Variants in DYRK3 observed in about 807,000 individuals in gnomAD.
The protein encoded by DYRK3 is dual specificity tyrosine-phosphorylation-regulated kinase 3.
DYRK3 carries 30 observed loss-of-function variants against 40.8 expected under a neutral mutation model. The observed-to-expected ratio is 0.74, with a 90% CI of 0.55 to 1.00. The LOEUF (loss-of-function observed/expected upper bound fraction) is 1.00, where lower values mean the gene tolerates loss of function less well. Among genes scored for constraint, DYRK3 ranks in the 50% least tolerant of loss-of-function variants. The pLI is 0.00. For synonymous variants in DYRK3, 272 were observed against 260.7 expected (o/e 1.04, Z -0.42); for missense variants, 699 against 731.5 (o/e 0.96, Z 0.51).
rs1553420887 is a variant in DYRK3 at position 206,648,838 on chromosome 1, C to T, written c.1640C>T (p.Ala547Val). 6.2e-7 allele frequency: 1 copy of T among 1,614,208 alleles called. No individual in the cohort carries two copies. The highest frequency in any genetic ancestry group is 8.5e-7 in the Non-Finnish European group (1 of 1,180,042). ...AAACGGGTAGTTAATCCTGCAAGTG[C>T]TTTCCAGGGATTGGGTTCTAAGCTG... The part of the protein sequence containing the change: ...SGKRVVNPAS[A>V]FQGLGSKLPP... The change falls in exon 3 of 3, where the codon GCT (alanine) becomes GTT (valine). Residue 547 changes from alanine to valine, a missense_variant. Coordinates refer to ENST00000367109, the MANE Select transcript of DYRK3 (RefSeq NM_003582.4).
intron 2 of DYRK3, among the ~76,000 whole-genome samples, chr1:206,640,841 T>C (rs922334608): frequency 5.3e-5 from 8 of 152,200 alleles, no homozygotes; most frequent in Admixed American, 1.3e-4. Flanking sequence ...TGAGCCACCG[T>C]GCCTGGCCTC....
chr1:206,654,624 G>A lies in DYRK3; in HGVS notation c.*5659G>A, dbSNP rs782271803. Among the ~76,000 whole-genome samples, 1 of 152,136 alleles carries A rather than the reference G, an allele frequency of 6.6e-6. No individual in the cohort carries two copies. Among genetic ancestry groups the A allele is most frequent in the Admixed American group, 6.5e-5 (1 of 15,278 alleles). On this transcript the variant is annotated 3_prime_UTR_variant, in exon 3 of 3. Transcript: ENST00000367109. ...TGGCCTTCAGCCTAATATGATTAGG[G>A]TGTTTTTCTGAGTGTCTGTCAAATT...
chr1:206,651,405 GT>G lies in DYRK3; in HGVS notation c.*2442del, dbSNP rs1185385192. 6.6e-6 allele frequency among the ~76,000 whole-genome samples: 1 copy of G among 152,214 alleles called. No homozygotes were observed. The highest frequency in any genetic ancestry group is 2.4e-5 in the African/African-American group (1 of 41,448). ...AGAAATGGGAACATCTCTTCACTGT[GT>G]TCTTGGATCAGCCTTCTTTCAACTA... On this transcript the variant is annotated 3_prime_UTR_variant, in exon 3 of 3. Coordinates refer to ENST00000367109, the MANE Select transcript of DYRK3 (RefSeq NM_003582.4).
At chr1:206,644,018 CAG>C in intron 2 of DYRK3, among the ~76,000 whole-genome samples, 1 of 141,738 alleles carries the variant, frequency 7.1e-6, no homozygotes, top group South Asian at 2.2e-4. Flanking sequence ...AGGAAGGCAA[CAG>C]GGACCTACAG....
chr1:206,637,545 A>G, intron 1 of DYRK3, 105 bp from the exon 2 acceptor site: 1 of 735,346 alleles, frequency 1.4e-6, no homozygotes, highest in Non-Finnish European at 2.2e-6. Context: ...TAGTGTAGAC[A>G]TTTATTTCTA....
In DYRK3 at chr1:206,653,492, G is replaced by A. The variant is rs1490471871; in HGVS notation, c.*4527G>A. 2.0e-5 allele frequency among the ~76,000 whole-genome samples: 3 copies of A among 152,060 alleles called. No homozygotes were observed. Among genetic ancestry groups the A allele is most frequent in the Admixed American group, 6.6e-5 (1 of 15,258 alleles). On this transcript the variant is annotated 3_prime_UTR_variant, in exon 3 of 3. Coordinates refer to ENST00000367109, the MANE Select transcript of DYRK3 (RefSeq NM_003582.4). ...TCAAATGGGAGTGTGTCTTCATATT[G>A]TTCTGAATTAACAGATTTTGATGCC...
At chr1:206,637,536 A>G (rs1671150155) in intron 1 of DYRK3, 114 bp from the exon 2 acceptor site, 2 of 679,156 alleles carry the variant, frequency 2.9e-6, no homozygotes, top group South Asian at 2.1e-5. Context: ...GCCAAAATGT[A>G]GTGTAGACAT....
In DYRK3 at chr1:206,654,981, C is replaced by T. The variant is rs1228485211; in HGVS notation, c.*6016C>T. Among the ~76,000 whole-genome samples the T allele has an allele frequency of 6.6e-6, 1 of 152,194 alleles. No homozygotes were observed. The highest frequency in any genetic ancestry group is 1.5e-5 in the Non-Finnish European group (1 of 68,036). ...GTGGTGACCTGTGGCTATTTCAGCT[C>T]AGAATGTCAGCCTCTGAAGCATCAG... On this transcript the variant is annotated 3_prime_UTR_variant, in exon 3 of 3. Coordinates refer to ENST00000367109, the MANE Select transcript of DYRK3 (RefSeq NM_003582.4).
Position 206,654,143 on chromosome 1 carries a change from ACT to A in DYRK3, c.*5181_*5182del, listed in dbSNP as rs1173013085. Among the ~76,000 whole-genome samples, 6 of 152,094 alleles carry A rather than the reference ACT, an allele frequency of 3.9e-5. No homozygotes were observed. Among genetic ancestry groups the A allele is most frequent in the Non-Finnish European group, 8.8e-5 (6 of 67,986 alleles). On this transcript the variant is annotated 3_prime_UTR_variant, in exon 3 of 3. Transcript: ENST00000367109. ...CTACTACTTTGGTGAATCATGGAAA[ACT>A]CTTTCTCCTTTATTTTTAATTATTT...
In DYRK3 at chr1:206,650,523, C is replaced by G. The variant is rs1306588776; in HGVS notation, c.*1558C>G. 6.6e-6 allele frequency among the ~76,000 whole-genome samples: 1 copy of G among 152,224 alleles called. No homozygotes were observed. Among genetic ancestry groups the G allele is most frequent in the Non-Finnish European group, 1.5e-5 (1 of 68,034 alleles). ...TGCCACTGCACTCCAGCCTAGGCAACAGAGTGAGACTCTGTCTAAAAAACA... is the reference window on the plus strand; with the variant it reads ...TGCCACTGCACTCCAGCCTAGGCAAGAGAGTGAGACTCTGTCTAAAAAACA... On this transcript the variant is annotated 3_prime_UTR_variant, in exon 3 of 3. Coordinates refer to ENST00000367109, the MANE Select transcript of DYRK3 (RefSeq NM_003582.4).
At chr1:206,640,321 G>C (rs1270929084) in intron 2 of DYRK3, among the ~76,000 whole-genome samples, 1 of 152,080 alleles carries the variant, frequency 6.6e-6, no homozygotes, top group African/African-American at 2.4e-5. Flanking sequence ...ATTATGCCAT[G>C]ACTCTATCCC....
chr1:206,639,548 A>G (rs1192235089), intron 2 of DYRK3, among the ~76,000 whole-genome samples: 3 of 148,986 alleles, frequency 2.0e-5, no homozygotes, highest in Non-Finnish European at 3.0e-5. Context: ...GCTTACTGCA[A>G]CCTCCCGGGT....
chr1:206,643,908 T>C (rs1454241607), intron 2 of DYRK3, among the ~76,000 whole-genome samples: 1 of 152,134 alleles, frequency 6.6e-6, no homozygotes, highest in African/African-American at 2.4e-5. Context: ...AAATATTTTA[T>C]AGTTGGTGAA....
rs1205999996 is a variant in DYRK3, at chr1:206,635,946, GC to G, written c.77+171del. 5 of 1,318,692 alleles carry G rather than the reference GC, an allele frequency of 3.8e-6. No homozygotes were observed. The Admixed American group carries it at 1.1e-4, about 28-fold the overall frequency. 81.7% of individuals were successfully genotyped at this position (1,318,692 alleles called of 1,614,324 possible). On this transcript the variant is annotated intron_variant, in intron 1 of 2. Coordinates refer to ENST00000367109, the MANE Select transcript of DYRK3 (RefSeq NM_003582.4). ...CCGCCCCCACCTCCTCTCTATCAGGGCCCCCTCCCCCCATCCCTGTCTCACC... is the reference window on the plus strand; with the variant it reads ...CCGCCCCCACCTCCTCTCTATCAGGGCCCCTCCCCCCATCCCTGTCTCACC...
chr1:206,640,318 C>T (rs1246806774), intron 2 of DYRK3, among the ~76,000 whole-genome samples: 3 of 152,108 alleles, frequency 2.0e-5, no homozygotes, highest in Non-Finnish European at 4.4e-5. Context: ...TTCATTATGC[C>T]ATGACTCTAT....
chr1:206,643,827 A>G (rs1671355882), intron 2 of DYRK3, among the ~76,000 whole-genome samples: 1 of 152,128 alleles, frequency 6.6e-6, no homozygotes, highest in South Asian at 2.1e-4. Context: ...GAAAAGGGGA[A>G]GGGGAAGGGT....
At chr1:206,646,648 G>A (rs1671464051) in intron 2 of DYRK3, among the ~76,000 whole-genome samples, 1 of 152,214 alleles carries the variant, frequency 6.6e-6, no homozygotes, top group Admixed American at 6.5e-5. Context: ...CCTGGGAGTA[G>A]ATGATTGAGC....
rs1671574116 is a variant in DYRK3 at position 206,649,484 on chromosome 1, G to A, written c.*519G>A. Among the ~76,000 whole-genome samples the A allele has an allele frequency of 6.6e-6, 1 of 152,200 alleles. No homozygotes were observed. Among genetic ancestry groups the A allele is most frequent in the Non-Finnish European group, 1.5e-5 (1 of 68,032 alleles). On this transcript the variant is annotated 3_prime_UTR_variant, in exon 3 of 3. Coordinates refer to ENST00000367109, the MANE Select transcript of DYRK3 (RefSeq NM_003582.4). ...GCACCAGGAAGCTGTTGGTGACCTG[G>A]ACAACTGGTGTCCCTGGTTTTCAGT...
intron 2 of DYRK3, among the ~76,000 whole-genome samples, chr1:206,645,682 C>CTT (rs1226901506): frequency 7.9e-5 from 10 of 126,930 alleles, no homozygotes; most frequent in South Asian, 5.1e-4. Context: ...TCACATCTGG[C>CTT]TTTTTTTTTT....
Sources: allele counts gnomAD v4.1 joint callset (sites outside exome capture counted in the v4.1 genomes callset), GRCh38; gene constraint gnomAD v4.1.1; transcripts MANE v1.5; gene names NCBI Gene and HGNC (gene_info 2026-07-23, HGNC 2026-07-21).